Variants in EPHA10 observed in about 807,000 individuals in gnomAD.
EPHA10 encodes the protein ephrin type-A receptor 10.
In EPHA10, 120 loss-of-function variants were observed where a neutral mutation model predicts 109.7. The ratio of observed to expected loss-of-function variants is 1.09; its 90% CI spans 0.94 to 1.27. EPHA10 has a LOEUF of 1.27. Ranked by LOEUF, EPHA10 falls within the 50% of genes most tolerant of loss-of-function variation. The pLI is 0.00. For missense variants in EPHA10, 1,396 were observed against 1,411.1 expected, an observed-to-expected ratio of 0.99 and a Z score of 0.17; for synonymous variants, 640 against 618.9, an observed-to-expected ratio of 1.03 and a Z score of -0.51.
intron 13 of EPHA10, 65 bp downstream of exon 13, chr1:37,720,286 A>T: frequency 6.6e-7 from 1 of 1,512,268 alleles, no homozygotes; most frequent in Admixed American, 2.0e-5. Flanking sequence ...TGGGGAGTTA[A>T]GGGCTCCAGG....
Position 37,755,916 on chromosome 1 carries a change from G to A in EPHA10, c.851-1546C>T, listed in dbSNP as rs138741461. 5.6e-3 allele frequency among the ~76,000 whole-genome samples: 854 copies of A among 152,266 alleles called. 7 individuals are homozygous for A. The highest frequency in any genetic ancestry group is 0.02 in the African/African-American group (818 of 41,550). The stretch of plus-strand genomic sequence containing the variant: ...GGCTGCTCTCCAGCTCCAAGAAGAC[G>A]CAGTACAACAGAAAGGGTGCAGACT... On this transcript the variant is annotated intron_variant, in intron 3 of 16. Coordinates refer to ENST00000373048, the MANE Select transcript of EPHA10 (RefSeq NM_001099439.2).
intron 5 of EPHA10, among the ~76,000 whole-genome samples, chr1:37,751,008 A>G (rs1477011173): frequency 6.6e-6 from 1 of 150,840 alleles, no homozygotes. Flanking sequence ...GATCGAGACC[A>G]TCCTGGCTAA....
At chr1:37,748,177 G>C (rs971417431) in intron 5 of EPHA10, among the ~76,000 whole-genome samples, 4 of 152,068 alleles carry the variant, frequency 2.6e-5, no homozygotes, top group Admixed American at 1.3e-4. Flanking sequence ...TGATCAACGT[G>C]GTGAAATCCC....
rs771156883 is a variant in EPHA10, at chr1:37,718,774, G to C, written c.2799C>G (p.Pro933=). The part of the protein sequence containing the change: ...PLADRAFSTF[P]SFGSVGAWLE... ...GCCACGCGCCCACAGAGCCAAAGGA[G>C]GGGAAGGTGGAGAAGGCACGGTCCG... The change falls in exon 16 of 17, where the codon CCC becomes CCG. Residue 933 remains proline, a synonymous_variant. Transcript: ENST00000373048. 3 of 1,613,084 alleles carry C rather than the reference G, an allele frequency of 1.9e-6. No homozygotes were observed. Among genetic ancestry groups the C allele is most frequent in the Middle Eastern group, 1.7e-4 (1 of 5,910 alleles).
intron 5 of EPHA10, among the ~76,000 whole-genome samples, chr1:37,748,458 G>A (rs1646273499): frequency 6.6e-6 from 1 of 152,206 alleles, no homozygotes; most frequent in African/African-American, 2.4e-5. Flanking sequence ...ATATGTAAAT[G>A]TGTTGTTAAA....
chr1:37,729,620 C>T (rs1368682271), intron 7 of EPHA10, among the ~76,000 whole-genome samples: 2 of 152,012 alleles, frequency 1.3e-5, no homozygotes, highest in Non-Finnish European at 2.9e-5. Flanking sequence ...GTGGCTCAAA[C>T]CTGTGATCCC....
In EPHA10 at chr1:37,754,605, G is replaced by A. The variant is rs922122429; in HGVS notation, c.851-235C>T. Among the ~76,000 whole-genome samples, 3 of 149,746 alleles carry A rather than the reference G, an allele frequency of 2.0e-5. No individual in the cohort carries two copies. Among genetic ancestry groups the A allele is most frequent in the Non-Finnish European group, 4.4e-5 (3 of 67,746 alleles). On this transcript the variant is annotated intron_variant, in intron 3 of 16. Coordinates refer to ENST00000373048, the MANE Select transcript of EPHA10 (RefSeq NM_001099439.2). This position sits in a 1 kb window ranked among gnomAD's most constrained non-coding sequence, Gnocchi z 4.5. ...AAACATTTTACTTTCAGCCGGGCGC[G>A]GTGGCTCATGCCTGTAATCCCAGCA...
At chr1:37,722,130 C>CAA in intron 10 of EPHA10, 5 of 274,894 alleles carry the variant, frequency 1.8e-5, no homozygotes, top group Non-Finnish European at 2.8e-5. Context: ...GACTCGGTCT[C>CAA]AAAAAAAAAA....
chr1:37,752,840 C>T (rs1646348887), intron 5 of EPHA10, 36 bp downstream of exon 5: 1 of 1,221,694 alleles, frequency 8.2e-7, no homozygotes, highest in Non-Finnish European at 1.0e-6. Flanking sequence ...GCGGCAGGCG[C>T]GGTGGCCTCG....
chr1:37,757,548 C>A (rs1646400019), intron 3 of EPHA10, among the ~76,000 whole-genome samples: 1 of 152,170 alleles, frequency 6.6e-6, no homozygotes, highest in Admixed American at 6.5e-5. Flanking sequence ...AATAACATCT[C>A]CCTTGTGAAG....
intron 6 of EPHA10, among the ~76,000 whole-genome samples, chr1:37,733,115 A>T (rs1646015811): frequency 1.3e-5 from 2 of 149,510 alleles, no homozygotes; most frequent in Admixed American, 1.3e-4. Flanking sequence ...CTGGTCTCGA[A>T]CTCCTGACCT....
At chr1:37,762,174 G>T in intron 2 of EPHA10, 91 bp from the exon 3 acceptor site, 2 of 1,205,686 alleles carry the variant, frequency 1.7e-6, no homozygotes, top group South Asian at 1.5e-5. Flanking sequence ...TCTCTCTCAT[G>T]CACCATGCAC....
At chr1:37,760,053 A>G (rs1646418334) in intron 3 of EPHA10, among the ~76,000 whole-genome samples, 1 of 152,180 alleles carries the variant, frequency 6.6e-6, no homozygotes, top group Non-Finnish European at 1.5e-5. Flanking sequence ...GCACATCCTC[A>G]ATTCATATTG....
chr1:37,762,208 C>T (rs1445572019), intron 2 of EPHA10, 125 bp from the exon 3 acceptor site: 8 of 888,814 alleles, frequency 9.0e-6, no homozygotes, highest in Admixed American at 3.1e-5. Context: ...TAAGATGCAG[C>T]GCTGGGAGAA....
At chr1:37,718,984 G>A in intron 15 of EPHA10, 168 bp from the exon 16 acceptor site, 1 of 885,924 alleles carries the variant, frequency 1.1e-6, no homozygotes, top group South Asian at 1.8e-5. Flanking sequence ...AGAAGCGAGG[G>A]CTTCAGGTTC....
At chr1:37,756,757 G>A (rs1032895819) in intron 3 of EPHA10, 2 of 152,230 alleles carry the variant, frequency 1.3e-5, no homozygotes, top group African/African-American at 4.8e-5. Context: ...GGCTCATTGT[G>A]CCCTATGGAG....
intron 5 of EPHA10, among the ~76,000 whole-genome samples, chr1:37,741,575 C>G (rs1646154121): frequency 1.3e-5 from 2 of 152,100 alleles, no homozygotes; most frequent in African/African-American, 4.8e-5. Flanking sequence ...GACAGCTGAT[C>G]GCCAGAATGG....
At position 37,718,267 on chromosome 1, in the gene EPHA10, G is replaced by A; in HGVS notation, c.*105C>T. On this transcript the variant is annotated 3_prime_UTR_variant, in exon 17 of 17. Transcript: ENST00000373048. ...AGATCTGGGCCCAAGCAGAGGAAGAGAGCGCTCCCTCCCACACTGCTGGAG... is the reference window on the plus strand; with the variant it reads ...AGATCTGGGCCCAAGCAGAGGAAGAAAGCGCTCCCTCCCACACTGCTGGAG... 1 of 966,634 alleles carries A rather than the reference G, an allele frequency of 1.0e-6. No homozygotes were observed. Among genetic ancestry groups the A allele is most frequent in the Admixed American group, 2.3e-5 (1 of 43,126 alleles). 59.9% of individuals were successfully genotyped at this position (966,634 alleles called of 1,614,324 possible). A position where few individuals can be genotyped will look rare whatever the true frequency, so the allele number is the denominator to read the frequency against.
intron 3 of EPHA10, chr1:37,756,429 C>T (rs1197557269): frequency 6.6e-6 from 1 of 152,150 alleles, no homozygotes; most frequent in East Asian, 1.9e-4. Flanking sequence ...CATCAGCGAC[C>T]ACAGTGGTAT....
Sources: allele counts gnomAD v4.1 joint callset (sites outside exome capture counted in the v4.1 genomes callset), GRCh38; gene constraint gnomAD v4.1.1; non-coding constraint Gnocchi (gnomAD v3.1); transcripts MANE v1.5; gene names NCBI Gene and HGNC (gene_info 2026-07-23, HGNC 2026-07-21).